The following MIPEP variants were observed in gnomAD, a reference collection of about 807,000 sequenced individuals.
MIPEP encodes mitochondrial intermediate peptidase.
Under a neutral mutation model 90.3 loss-of-function variants are expected in MIPEP, and 79 were observed. The ratio of observed to expected loss-of-function variants is 0.87; its 90% CI spans 0.73 to 1.05. The LOEUF (loss-of-function observed/expected upper bound fraction) is 1.05, where lower values mean the gene tolerates loss of function less well. Ranked by LOEUF, MIPEP falls within the 50% of genes least tolerant of loss-of-function variation. The probability of loss-of-function intolerance (pLI) is 0.00; values close to 1 mark genes in which losing one functional copy is unlikely to be tolerated. For synonymous variants in MIPEP, 334 were observed against 315.8 expected (o/e 1.06, Z -0.61); for missense variants, 940 against 905.6 (o/e 1.04, Z -0.49).
intron 9 of MIPEP, 37 bp from the exon 10 acceptor site, chr13:23,858,949 G>C (rs769775507): frequency 3.8e-6 from 6 of 1,575,302 alleles, no homozygotes; most frequent in Non-Finnish European, 5.2e-6. Flanking sequence ...GAAAGCTACT[G>C]ACTCTTTCAT....
At chr13:23,799,761 GTGT>G (rs1373181878) in intron 16 of MIPEP, among the ~76,000 whole-genome samples, 1 of 152,174 alleles carries the variant, frequency 6.6e-6, no homozygotes, top group Non-Finnish European at 1.5e-5. Context: ...TTCTTTGTTG[GTGT>G]TTGTTCTAAC....
chr13:23,819,392 CT>C (rs746054805), intron 14 of MIPEP, among the ~76,000 whole-genome samples: 1 of 151,986 alleles, frequency 6.6e-6, no homozygotes, highest in East Asian at 1.9e-4. Flanking sequence ...AATCAATCGG[CT>C]TTTTTTTCTG....
At position 23,740,899 on chromosome 13, in the gene MIPEP, G is replaced by A. The variant is rs561789592; in HGVS notation, c.2045-10454C>T. 1.7e-3 allele frequency among the ~76,000 whole-genome samples: 254 copies of A among 152,322 alleles called. 1 individual carries two copies. The highest frequency in any genetic ancestry group is 5.1e-3 in the African/African-American group (210 of 41,570). ...TTCCCTTGTGGAGTCGGGGAAGGAA[G>A]TATCGCTGCTTGTGGGTTTCAAAGA... On this transcript the variant is annotated intron_variant, in intron 18 of 18. Transcript: ENST00000382172.
At chr13:23,845,963 G>A (rs1869520690) in intron 10 of MIPEP, among the ~76,000 whole-genome samples, 1 of 150,148 alleles carries the variant, frequency 6.7e-6, no homozygotes, top group African/African-American at 2.5e-5. Context: ...CTATCACCCA[G>A]GCGTGCAGTG....
At chr13:23,801,185 G>A (rs532876638) in intron 16 of MIPEP, among the ~76,000 whole-genome samples, 5 of 152,300 alleles carry the variant, frequency 3.3e-5, no homozygotes, top group South Asian at 2.1e-4. Flanking sequence ...TCTTTGGCCC[G>A]CATGGGAAGG....
chr13:23,867,422 T>C (rs1570979), intron 7 of MIPEP, among the ~76,000 whole-genome samples: 143,021 of 152,216 alleles, frequency 0.94, 67,226 homozygotes, highest in East Asian at 1. Context: ...TAAGTGAGCC[T>C]TCCGACAATG....
intron 18 of MIPEP, among the ~76,000 whole-genome samples, chr13:23,731,094 A>G (rs1952199739): frequency 6.6e-6 from 1 of 152,228 alleles, no homozygotes. Flanking sequence ...TAAAAAGCTG[A>G]ATTCATGTCC....
intron 17 of MIPEP, among the ~76,000 whole-genome samples, chr13:23,758,631 A>G (rs908722965): frequency 6.6e-6 from 1 of 152,252 alleles, no homozygotes; most frequent in South Asian, 2.1e-4. Flanking sequence ...TAAAATCTGA[A>G]GAGCAGACCA....
chr13:23,762,580 A>G (rs887934008), intron 16 of MIPEP, among the ~76,000 whole-genome samples: 5 of 152,206 alleles, frequency 3.3e-5, no homozygotes, highest in Admixed American at 3.3e-4. Flanking sequence ...CTGTAAGAAG[A>G]TATGATTGGA....
chr13:23,755,669 T>C (rs1731051533), intron 18 of MIPEP, among the ~76,000 whole-genome samples: 1 of 152,212 alleles, frequency 6.6e-6, no homozygotes, highest in Non-Finnish European at 1.5e-5. Flanking sequence ...TCAATGTTCT[T>C]ATATTCATAC....
intron 1 of MIPEP, chr13:23,888,596 T>C (rs1016337643): frequency 1.9e-5 from 11 of 588,566 alleles, no homozygotes; most frequent in Middle Eastern, 8.5e-4. Context: ...CAACAGAGTT[T>C]TGTGTTTTAA....
At chr13:23,808,552 T>C (rs753962801) in intron 15 of MIPEP, among the ~76,000 whole-genome samples, 13 of 152,140 alleles carry the variant, frequency 8.5e-5, no homozygotes, top group East Asian at 1.9e-4. Context: ...GGGGCTATTG[T>C]TTTTGGAGGG....
At position 23,837,681 on chromosome 13, in the gene MIPEP, G is replaced by C. The variant is rs747762008; in HGVS notation, c.1414C>G (p.Leu472Val). Residue 472 changes from leucine to valine, a missense_variant, in exon 13 of 19, where the codon CTG becomes GTG. Physicochemically the swap from Leu to Val is conservative, Grantham distance 32. Coordinates refer to ENST00000382172, the MANE Select transcript of MIPEP (RefSeq NM_005932.4). The stretch of plus-strand genomic sequence containing the variant: ...CTCCTTGAGGAACGGGGAAGATTCA[G>C]CATAAGAACTACAACTGGGAGTTGA... ...DYQLPVVVLM[L>V]NLPRSSRSSP... The C allele has an allele frequency of 6.2e-7, 1 of 1,614,072 alleles. No individual in the cohort carries two copies. Among genetic ancestry groups the C allele is most frequent in the South Asian group, 1.1e-5 (1 of 91,080 alleles).
At chr13:23,866,567 G>C (rs1249662970) in intron 7 of MIPEP, among the ~76,000 whole-genome samples, 2 of 152,164 alleles carry the variant, frequency 1.3e-5, no homozygotes, top group African/African-American at 4.8e-5. Context: ...CCTGTAGACA[G>C]ACCTTCTGCG....
At chr13:23,759,190 G>A (rs1952514992) in intron 17 of MIPEP, among the ~76,000 whole-genome samples, 1 of 152,134 alleles carries the variant, frequency 6.6e-6, no homozygotes, top group Admixed American at 6.6e-5. Flanking sequence ...CAACGTCTTG[G>A]TTCCTATTGT....
intron 14 of MIPEP, among the ~76,000 whole-genome samples, chr13:23,824,272 G>T (rs1025095029): frequency 6.6e-6 from 1 of 152,086 alleles, no homozygotes; most frequent in Non-Finnish European, 1.5e-5. Flanking sequence ...TAAAAGTTTG[G>T]TATCAAATTA....
intron 16 of MIPEP, among the ~76,000 whole-genome samples, chr13:23,803,161 G>A (rs1368403149): frequency 6.6e-6 from 1 of 152,094 alleles, no homozygotes; most frequent in African/African-American, 2.4e-5. Flanking sequence ...TTGGGAGTTC[G>A]AGACCAGCCT....
chr13:23,854,551 T>C (rs573159501), intron 10 of MIPEP, among the ~76,000 whole-genome samples: 6 of 152,284 alleles, frequency 3.9e-5, no homozygotes, highest in Non-Finnish European at 8.8e-5. Flanking sequence ...TAGCAAGGAA[T>C]AGACAATACT....
At chr13:23,888,834 C>T in intron 1 of MIPEP, 1 of 837,950 alleles carries the variant, frequency 1.2e-6, no homozygotes. Context: ...CGGGTCCTGG[C>T]AGGACGAATT....
Sources: allele counts gnomAD v4.1 joint callset (sites outside exome capture counted in the v4.1 genomes callset), GRCh38; gene constraint gnomAD v4.1.1; transcripts MANE v1.5; gene names NCBI Gene and HGNC (gene_info 2026-07-23, HGNC 2026-07-21).